CAMSAP2: variants seen among roughly 807,000 people sequenced by gnomAD.
CAMSAP2 encodes the protein calmodulin regulated spectrin associated protein family member 2, also known as calmodulin-regulated spectrin-associated protein 2.
Under a neutral mutation model 146.1 loss-of-function variants are expected in CAMSAP2, and 26 were observed. The ratio of observed to expected loss-of-function variants is 0.18; its 90% CI spans 0.13 to 0.25. The LOEUF (loss-of-function observed/expected upper bound fraction) is 0.25, where lower values mean the gene tolerates loss of function less well. Among genes scored for constraint, CAMSAP2 ranks in the 10% least tolerant of loss-of-function variants. The probability of loss-of-function intolerance (pLI) is 1.00; values close to 1 mark genes in which losing one functional copy is unlikely to be tolerated. For missense variants in CAMSAP2, 1,381 were observed against 1,759.3 expected (o/e 0.78, Z 3.85); for synonymous variants, 499 against 596.6 (o/e 0.84, Z 2.38).
At chr1:200,834,576 T>C (rs1319169276) in intron 6 of CAMSAP2, among the ~76,000 whole-genome samples, 1 of 152,214 alleles carries the variant, frequency 6.6e-6, no homozygotes, top group Non-Finnish European at 1.5e-5. Flanking sequence ...TCAGAAATGT[T>C]TTCTAGTTGA....
chr1:200,810,509 G>A (rs932344831), intron 3 of CAMSAP2, among the ~76,000 whole-genome samples: 1 of 151,622 alleles, frequency 6.6e-6, no homozygotes, highest in Non-Finnish European at 1.5e-5. Flanking sequence ...CTGGGAGGCG[G>A]AGGTTGCTGT....
At chr1:200,773,835 A>G (rs1473866415) in intron 2 of CAMSAP2, among the ~76,000 whole-genome samples, 1 of 151,902 alleles carries the variant, frequency 6.6e-6, no homozygotes, top group Non-Finnish European at 1.5e-5. Flanking sequence ...ACAGTGAGCC[A>G]TGATTGTGCC....
In CAMSAP2 at chr1:200,848,942, G is replaced by T; in HGVS notation, c.2173G>T (p.Val725Phe). ...EGSELNIPHVVAWAQIPEETG... is the reference protein window; with the variant it reads ...EGSELNIPHVFAWAQIPEETG... ...CTCTGAACTTAATATTCCTCATGTG[G>T]TTGCTTGGGCACAAATTCCAGAAGA... The change falls in exon 11 of 17, where the codon GTT becomes TTT. Residue 725 changes from valine to phenylalanine, a missense_variant. Physicochemically the swap from Val to Phe is conservative, Grantham distance 50. Coordinates refer to ENST00000358823, the MANE Select transcript of CAMSAP2 (RefSeq NM_203459.4). 2 of 1,614,160 alleles carry T rather than the reference G, an allele frequency of 1.2e-6. No individual in the cohort carries two copies. Among genetic ancestry groups the T allele is most frequent in the Non-Finnish European group, 1.7e-6 (2 of 1,180,014 alleles).
At chr1:200,773,013 T>C in intron 2 of CAMSAP2, among the ~76,000 whole-genome samples, 1 of 152,240 alleles carries the variant, frequency 6.6e-6, no homozygotes, top group East Asian at 1.9e-4. Context: ...CTAGCAACTG[T>C]AAGTATGAGG....
intron 4 of CAMSAP2, among the ~76,000 whole-genome samples, chr1:200,824,329 G>A (rs1283262360): frequency 6.6e-6 from 1 of 150,952 alleles, no homozygotes; most frequent in Non-Finnish European, 1.5e-5. Context: ...CCTAAAATCA[G>A]CCATTTCTTC....
rs1414934630 is a variant in CAMSAP2 at position 200,848,353 on chromosome 1, A to G, written c.1584A>G (p.Ile528Met). ...CAAATGGAGCTTTACAAAATAGAAT[A>G]CTTCTTGACGAGTTTGGCAATCAGA... is the stretch of plus-strand genomic sequence containing the variant. ...KLPNGALQNR[I>M]LLDEFGNQIE... Residue 528 changes from isoleucine (I) to methionine (M), a missense_variant, in exon 11 of 17, where the codon ATA becomes ATG. This residue lies in a region of CAMSAP2 where 447 missense variants were observed against 462.2 expected (regional missense o/e 0.97). Transcript: ENST00000358823. The G allele has an allele frequency of 3.7e-6, 6 of 1,613,966 alleles. No homozygotes were observed. The highest frequency in any genetic ancestry group is 5.1e-6 in the Non-Finnish European group (6 of 1,179,904).
At chr1:200,747,908 A>G (rs1231506729) in intron 1 of CAMSAP2, among the ~76,000 whole-genome samples, 1 of 147,558 alleles carries the variant, frequency 6.8e-6, no homozygotes, top group African/African-American at 2.5e-5. Context: ...AATGGCGTGA[A>G]CCCGGGAGGC....
At chr1:200,817,247 C>CGT (rs1666619562) in intron 4 of CAMSAP2, among the ~76,000 whole-genome samples, 1 of 13,850 alleles carries the variant, frequency 7.2e-5, no homozygotes, top group African/African-American at 2.0e-4. Flanking sequence ...CACATACACA[C>CGT]ATATGTGTGT....
intron 2 of CAMSAP2, among the ~76,000 whole-genome samples, chr1:200,787,529 C>G (rs1232820843): frequency 1.3e-5 from 2 of 152,190 alleles, no homozygotes; most frequent in Non-Finnish European, 2.9e-5. Context: ...GGAGTTGCTT[C>G]TTACAGATGA....
At position 200,832,863 on chromosome 1, in the gene CAMSAP2, T is replaced by G; in HGVS notation, c.927+18T>G. 6.5e-7 allele frequency: 1 copy of G among 1,545,954 alleles called. No homozygotes were observed. The highest frequency in any genetic ancestry group is 1.7e-4 in the Middle Eastern group (1 of 5,782). ...CCATAAAGGTAAATTAAATTATTCT[T>G]TTTTTCCCTTTGCTTTGTTAAAATA... On this transcript the variant is annotated intron_variant, in intron 6 of 16. Transcript: ENST00000358823. The surrounding 1 kb of genome is among the most constrained non-coding windows in gnomAD (Gnocchi z 4.2).
chr1:200,784,217 A>C (rs1224539895), intron 2 of CAMSAP2, among the ~76,000 whole-genome samples: 1 of 152,124 alleles, frequency 6.6e-6, no homozygotes, highest in Non-Finnish European at 1.5e-5. Context: ...AGTGTAAGCC[A>C]TCCGGCTTTG....
At chr1:200,760,773 T>G in intron 1 of CAMSAP2, 66 bp from the exon 2 acceptor site, 5 of 1,131,586 alleles carry the variant, frequency 4.4e-6, no homozygotes, top group Non-Finnish European at 6.2e-6. Flanking sequence ...ATAATAATTA[T>G]TAATTAAATT....
chr1:200,776,024 ATGG>A (rs1000702822), intron 2 of CAMSAP2, among the ~76,000 whole-genome samples: 29 of 152,054 alleles, frequency 1.9e-4, no homozygotes, highest in Non-Finnish European at 3.1e-4. Context: ...TGTTTCTTGC[ATGG>A]TGAAGTAGGG....
chr1:200,844,660 T>A, intron 7 of CAMSAP2, 122 bp from the exon 8 acceptor site: 1 of 486,926 alleles, frequency 2.1e-6, no homozygotes, highest in African/African-American at 2.0e-5. Flanking sequence ...CTTTATGCTA[T>A]GATTTCTCAA....
At chr1:200,840,451 A>C (rs555343142) in intron 6 of CAMSAP2, among the ~76,000 whole-genome samples, 1 of 152,158 alleles carries the variant, frequency 6.6e-6, no homozygotes, top group Admixed American at 6.5e-5. Context: ...TAAAATTTTT[A>C]TAGAGGCAAG....
chr1:200,839,621 G>A (rs1169477041), intron 6 of CAMSAP2, among the ~76,000 whole-genome samples: 2 of 152,170 alleles, frequency 1.3e-5, no homozygotes, highest in African/African-American at 4.8e-5. Context: ...AACATCATAT[G>A]TTCTCACTCA....
chr1:200,850,325 C>G, intron 11 of CAMSAP2, 91 bp downstream of exon 11: 13 of 1,084,618 alleles, frequency 1.2e-5, no homozygotes, highest in Non-Finnish European at 1.7e-5. Context: ...ATGCTTGCTT[C>G]TTTCAGTAGC....
At chr1:200,746,613 TA>T (rs1402628587) in intron 1 of CAMSAP2, among the ~76,000 whole-genome samples, 1 of 145,238 alleles carries the variant, frequency 6.9e-6, no homozygotes, top group Non-Finnish European at 1.5e-5. Flanking sequence ...TACCAGTCAC[TA>T]GTCACATTTT....
intron 6 of CAMSAP2, among the ~76,000 whole-genome samples, chr1:200,840,855 G>A (rs1300514083): frequency 6.6e-6 from 1 of 152,022 alleles, no homozygotes; most frequent in Non-Finnish European, 1.5e-5. Context: ...CCAAAATTTA[G>A]AAAACATATT....
Sources: allele counts gnomAD v4.1 joint callset (sites outside exome capture counted in the v4.1 genomes callset), GRCh38; gene constraint gnomAD v4.1.1; regional missense constraint gnomAD v4.1.1; non-coding constraint Gnocchi (gnomAD v3.1); transcripts MANE v1.5; gene names NCBI Gene and HGNC (gene_info 2026-07-23, HGNC 2026-07-21).